Variants in ETV6 observed in about 807,000 individuals in gnomAD.
ETV6 encodes transcription factor ETV6.
ETV6 carries 16 observed loss-of-function variants against 51.1 expected under a neutral mutation model. That is an observed-to-expected ratio of 0.31 (90% CI 0.21 to 0.48). ETV6 has a LOEUF of 0.48. Among genes scored for constraint, ETV6 ranks in the 20% least tolerant of loss-of-function variants. The pLI is 0.99. For synonymous variants in ETV6, 240 were observed against 224.1 expected, an observed-to-expected ratio of 1.07 and a Z score of -0.64; for missense variants, 458 against 594.8, an observed-to-expected ratio of 0.77 and a Z score of 2.39.
At chr12:11,772,972 G>A (rs1945265071) in intron 2 of ETV6, among the ~76,000 whole-genome samples, 1 of 151,944 alleles carries the variant, frequency 6.6e-6, no homozygotes, top group East Asian at 1.9e-4. Context: ...AGGCAGGTGG[G>A]TCACAAGGTC....
Position 11,842,081 on chromosome 12 carries a change from CA to C in ETV6, c.328+2794del, listed in dbSNP as rs35056557. ...TGGGCGACAGAGCGAGACTCCGTCT[CA>C]AAAAAAAAAAAAAAAAGAAGAAGAA... On this transcript the variant is annotated intron_variant, in intron 3 of 7. Coordinates refer to ENST00000396373, the MANE Select transcript of ETV6 (RefSeq NM_001987.5). Among the ~76,000 whole-genome samples the C allele has an allele frequency of 7.3e-3, 610 of 83,552 alleles. 3 individuals are homozygous for C. Among genetic ancestry groups the C allele is most frequent in the African/African-American group, 0.02 (452 of 22,436 alleles). 54.8% of individuals were successfully genotyped at this position (83,552 alleles called of 152,430 possible). A position where few individuals can be genotyped will look rare whatever the true frequency, so the allele number is the denominator to read the frequency against.
intron 4 of ETV6, among the ~76,000 whole-genome samples, chr12:11,866,199 T>C (rs1946788525): frequency 6.6e-6 from 1 of 151,316 alleles, no homozygotes; most frequent in Non-Finnish European, 1.5e-5. Context: ...TTATTTTGCC[T>C]TTTTTTTTAA....
chr12:11,660,966 G>T (rs1404567054), intron 1 of ETV6, among the ~76,000 whole-genome samples: 1 of 152,184 alleles, frequency 6.6e-6, no homozygotes, highest in African/African-American at 2.4e-5. Context: ...ACATCTGAAG[G>T]ATTGGATCCG....
intron 1 of ETV6, among the ~76,000 whole-genome samples, chr12:11,688,310 G>A (rs2120778322): frequency 6.6e-6 from 1 of 152,332 alleles, no homozygotes; most frequent in African/African-American, 2.4e-5. Flanking sequence ...ACTTTGACCT[G>A]ATCCAGAAAG....
intron 1 of ETV6, among the ~76,000 whole-genome samples, chr12:11,735,383 CCTAGGG>C (rs1320568180): frequency 7.2e-5 from 11 of 152,178 alleles, no homozygotes; most frequent in Non-Finnish European, 1.6e-4. Flanking sequence ...GTGGGTGGCA[CCTAGGG>C]TGATTTATTG....
intron 1 of ETV6, among the ~76,000 whole-genome samples, chr12:11,735,285 C>G (rs1356632903): frequency 1.3e-5 from 2 of 151,882 alleles, no homozygotes; most frequent in African/African-American, 4.8e-5. Flanking sequence ...GGTCACAGAC[C>G]CCCAATTGTA....
intron 2 of ETV6, among the ~76,000 whole-genome samples, chr12:11,811,814 C>G (rs1945918281): frequency 1.3e-5 from 2 of 152,164 alleles, no homozygotes; most frequent in African/African-American, 4.8e-5. Flanking sequence ...GATGACCTGA[C>G]CAGGTCCTAG....
At chr12:11,814,328 T>A (rs1460817628) in intron 2 of ETV6, among the ~76,000 whole-genome samples, 1 of 152,268 alleles carries the variant, frequency 6.6e-6, no homozygotes, top group Admixed American at 6.5e-5. Flanking sequence ...TATCTTTTCT[T>A]GGCTTTGTAA....
At chr12:11,663,825 A>G (rs1864146109) in intron 1 of ETV6, among the ~76,000 whole-genome samples, 1 of 152,104 alleles carries the variant, frequency 6.6e-6, no homozygotes, top group Non-Finnish European at 1.5e-5. Context: ...GAAAAAATAA[A>G]GTGTTGTTTA....
At chr12:11,821,683 G>A (rs1946083208) in intron 2 of ETV6, among the ~76,000 whole-genome samples, 1 of 152,042 alleles carries the variant, frequency 6.6e-6, no homozygotes, top group African/African-American at 2.4e-5. Context: ...AAAAAAAAAT[G>A]TGTTTTAGAT....
At chr12:11,729,652 T>C (rs1010315366) in intron 1 of ETV6, among the ~76,000 whole-genome samples, 2 of 152,202 alleles carry the variant, frequency 1.3e-5, no homozygotes, top group African/African-American at 4.8e-5. Flanking sequence ...ATGGGGAAGA[T>C]AGTGGCCTTT....
At chr12:11,730,520 A>T (rs1330302163) in intron 1 of ETV6, among the ~76,000 whole-genome samples, 1 of 152,220 alleles carries the variant, frequency 6.6e-6, no homozygotes, top group East Asian at 1.9e-4. Flanking sequence ...AGTTCTAAGG[A>T]CGGGTTGTCC....
intron 1 of ETV6, chr12:11,750,685 G>A (rs973474773): frequency 2.9e-6 from 1 of 340,140 alleles, no homozygotes; most frequent in African/African-American, 2.2e-5. Context: ...GAGTTGAAGA[G>A]TATGGAGAAT....
chr12:11,874,930 A>T (rs1158062720), intron 5 of ETV6, among the ~76,000 whole-genome samples: 1 of 149,816 alleles, frequency 6.7e-6, no homozygotes, highest in East Asian at 2.0e-4. Flanking sequence ...TAGCATTAGG[A>T]GATATACCTA....
chr12:11,810,332 A>G (rs1945895572), intron 2 of ETV6, among the ~76,000 whole-genome samples: 1 of 152,118 alleles, frequency 6.6e-6, no homozygotes, highest in South Asian at 2.1e-4. Flanking sequence ...TTGAATGTAA[A>G]CCCGTGAAGA....
chr12:11,810,893 T>C (rs935450605), intron 2 of ETV6, among the ~76,000 whole-genome samples: 9 of 152,192 alleles, frequency 5.9e-5, no homozygotes, highest in Admixed American at 5.9e-4. Context: ...GCCACCCACC[T>C]TCCCTTGGAT....
chr12:11,667,040 A>T (rs773715443), intron 1 of ETV6, among the ~76,000 whole-genome samples: 3 of 152,200 alleles, frequency 2.0e-5, no homozygotes, highest in Non-Finnish European at 4.4e-5. Flanking sequence ...ATAGGTCTGT[A>T]TATGAATGTG....
At chr12:11,769,994 C>T (rs1295500232) in intron 2 of ETV6, among the ~76,000 whole-genome samples, 7 of 152,112 alleles carry the variant, frequency 4.6e-5, no homozygotes, top group African/African-American at 1.7e-4. Context: ...ACAGGCTGAA[C>T]AGGCTGTCAC....
intron 2 of ETV6, among the ~76,000 whole-genome samples, chr12:11,832,329 G>A (rs1358555622): frequency 6.6e-6 from 1 of 152,206 alleles, no homozygotes; most frequent in Admixed American, 6.5e-5. Context: ...TGAAGCCTGA[G>A]ATGGGTGAAT....
Sources: allele counts gnomAD v4.1 joint callset (sites outside exome capture counted in the v4.1 genomes callset), GRCh38; gene constraint gnomAD v4.1.1; transcripts MANE v1.5; gene names NCBI Gene and HGNC (gene_info 2026-07-23, HGNC 2026-07-21).